SCML2: variants seen among roughly 807,000 people sequenced by gnomAD.
SCML2 encodes the protein Scm polycomb group protein like 2.
SCML2 carries 6 observed loss-of-function variants against 48.4 expected under a neutral mutation model. The observed-to-expected ratio is 0.12, with a 90% CI of 0.07 to 0.24. The LOEUF is 0.24. Ranked by LOEUF, SCML2 falls within the 10% of genes least tolerant of loss-of-function variation. The pLI, the probability that SCML2 is intolerant of heterozygous loss-of-function variation, is 1.00. For synonymous variants in SCML2, 181 were observed against 189.5 expected (o/e 0.95, Z 0.37); for missense variants, 377 against 528.2 (o/e 0.71, Z 2.81).
At chrX:18,311,411 AGAGAG>A (rs773657698) in intron 6 of SCML2, among the ~76,000 whole-genome samples, 2 of 112,104 alleles carry the variant, frequency 1.8e-5, no homozygotes, top group African/African-American at 6.5e-5. Context: ...AGAGAGAGAG[AGAGAG>A]AACAGCACAA....
chrX:18,291,795 T>A lies in SCML2; in HGVS notation c.730+13177A>T, dbSNP rs978565043. ...AAATAAACAAAAATACAGATTTTTT[T>A]AATTTATGGAATTCAATTAATTTAA... On this transcript the variant is annotated intron_variant, in intron 7 of 14. Coordinates refer to ENST00000251900, the MANE Select transcript of SCML2 (RefSeq NM_006089.3). 4.5e-5 allele frequency among the ~76,000 whole-genome samples: 5 copies of A among 111,976 alleles called. No homozygotes were observed. In the Middle Eastern group the frequency reaches 0.019, roughly 425 times the overall value.
In SCML2 at chrX:18,305,131, G is replaced by A; in HGVS notation, c.571C>T (p.Pro191Ser). Residue 191 changes from proline (P) to serine (S), a missense_variant, in exon 7 of 15, where the codon CCT (proline) becomes TCT (serine). Coordinates refer to ENST00000251900, the MANE Select transcript of SCML2 (RefSeq NM_006089.3). ...CCTTTAACATCTCCAATGGTCGCAG[G>A]ACAGATGAGATACGGGTTCTTTTTG... ...IDKKNPYLIC[P>S]ATIGDVKGDE... 1 of 1,209,894 alleles carries A rather than the reference G, an allele frequency of 8.3e-7. No individual in the cohort carries two copies.
chrX:18,343,210 G>C (rs1330665761), intron 1 of SCML2, among the ~76,000 whole-genome samples: 1 of 105,542 alleles, frequency 9.5e-6, no homozygotes, highest in African/African-American at 3.5e-5. Flanking sequence ...GATAAGGTAA[G>C]CTACACCTTG....
rs771711655 is a variant in SCML2, at chrX:18,302,597, C to T, written c.730+2375G>A. The stretch of plus-strand genomic sequence containing the variant: ...AAATGTCGACCCACAAGGTTCTGTC[C>T]TGGTCCTTTTCTACCTCTACTTGTT... On this transcript the variant is annotated intron_variant, in intron 7 of 14. Transcript: ENST00000251900. 3.6e-5 allele frequency among the ~76,000 whole-genome samples: 4 copies of T among 111,548 alleles called. No individual in the cohort carries two copies. The South Asian group carries it at 1.5e-3, about 42-fold the overall frequency.
At chrX:18,251,108 T>A (rs1926641872) in intron 11 of SCML2, among the ~76,000 whole-genome samples, 1 of 108,561 alleles carries the variant, frequency 9.2e-6, no homozygotes, top group Non-Finnish European at 1.9e-5. Context: ...AAGATGAGAT[T>A]TGGGTGGGGA....
At chrX:18,337,811 T>C (rs1929881963) in intron 1 of SCML2, among the ~76,000 whole-genome samples, 1 of 111,509 alleles carries the variant, frequency 9.0e-6, no homozygotes, top group Admixed American at 9.6e-5. Context: ...AGAATACACA[T>C]TCCTCTCAAG....
intron 7 of SCML2, among the ~76,000 whole-genome samples, chrX:18,298,575 G>C (rs961940738): frequency 1.8e-5 from 2 of 111,895 alleles, no homozygotes; most frequent in Non-Finnish European, 3.8e-5. Context: ...AATGAAACTA[G>C]GCCAGGCGTG....
At chrX:18,321,403 T>C (rs975115036) in intron 5 of SCML2, among the ~76,000 whole-genome samples, 1 of 110,344 alleles carries the variant, frequency 9.1e-6, no homozygotes, top group Non-Finnish European at 1.9e-5. Context: ...ATGCCAGAAT[T>C]AGAAAGAACT....
At chrX:18,310,973 G>C (rs1054736463) in intron 6 of SCML2, among the ~76,000 whole-genome samples, 1 of 111,150 alleles carries the variant, frequency 9.0e-6, no homozygotes, top group Non-Finnish European at 1.9e-5. Flanking sequence ...CTAAAATGTC[G>C]ACCTCTCTTC....
intron 1 of SCML2, among the ~76,000 whole-genome samples, chrX:18,349,510 G>A (rs577723685): frequency 8.9e-6 from 1 of 112,905 alleles, no homozygotes; most frequent in African/African-American, 3.2e-5. Context: ...ACCTCTCCAG[G>A]CTGGGCGTGG....
chrX:18,313,009 G>GCA (rs1569157215), intron 6 of SCML2, among the ~76,000 whole-genome samples: 69 of 92,183 alleles, frequency 7.5e-4, no homozygotes, highest in African/African-American at 3.0e-3. Context: ...GTGTGTGTGC[G>GCA]CGTGTGTGTG....
chrX:18,331,701 T>A (rs775776205), intron 2 of SCML2, among the ~76,000 whole-genome samples: 51 of 111,919 alleles, frequency 4.6e-4, no homozygotes, highest in African/African-American at 1.6e-3. Context: ...CACATAGCAA[T>A]GGTTGATATG....
intron 6 of SCML2, among the ~76,000 whole-genome samples, chrX:18,305,981 A>G (rs754946863): frequency 9.0e-6 from 1 of 111,635 alleles, no homozygotes; most frequent in Non-Finnish European, 1.9e-5. Flanking sequence ...ATCCTACTAA[A>G]TGGCACCATC....
At chrX:18,259,778 G>A (rs1015290604) in intron 9 of SCML2, among the ~76,000 whole-genome samples, 2 of 112,016 alleles carry the variant, frequency 1.8e-5, no homozygotes, top group Admixed American at 9.5e-5. Context: ...GGGAATAGGA[G>A]AGTGTAAGGG....
At chrX:18,336,055 A>G (rs1929800827) in intron 1 of SCML2, among the ~76,000 whole-genome samples, 1 of 112,234 alleles carries the variant, frequency 8.9e-6, no homozygotes, top group Non-Finnish European at 1.9e-5. Context: ...GAAACAGGCT[A>G]GGCAGTCCGG....
chrX:18,255,260 C>T (rs780886144), intron 11 of SCML2, among the ~76,000 whole-genome samples: 1 of 112,415 alleles, frequency 8.9e-6, no homozygotes, highest in Non-Finnish European at 1.9e-5. Flanking sequence ...AATTTCACAA[C>T]CAAAGAGGTA....
chrX:18,262,187 T>C (rs1480698324), intron 8 of SCML2, among the ~76,000 whole-genome samples: 2 of 108,738 alleles, frequency 1.8e-5, no homozygotes, highest in African/African-American at 7.0e-5. Context: ...AAAGATTCTA[T>C]GTCTTTATAT....
chrX:18,308,195 G>T (rs1928819918), intron 6 of SCML2, among the ~76,000 whole-genome samples: 1 of 105,284 alleles, frequency 9.5e-6, no homozygotes. Context: ...GGGAGGTGGA[G>T]GTTGGAGTGA....
At chrX:18,249,094 C>T (rs1205308290) in intron 11 of SCML2, among the ~76,000 whole-genome samples, 1 of 111,782 alleles carries the variant, frequency 8.9e-6, no homozygotes, top group Non-Finnish European at 1.9e-5. Context: ...TCCAGGATGA[C>T]TGATCAAAGA....
Sources: allele counts gnomAD v4.1 joint callset (sites outside exome capture counted in the v4.1 genomes callset), GRCh38; gene constraint gnomAD v4.1.1; transcripts MANE v1.5; gene names NCBI Gene and HGNC (gene_info 2026-07-23, HGNC 2026-07-21).